Variants in GPC6 observed in about 807,000 individuals in gnomAD.
GPC6 encodes glypican-6.
In GPC6, 14 loss-of-function variants were observed where a neutral mutation model predicts 55.2. That is an observed-to-expected ratio of 0.25 (90% confidence interval 0.17 to 0.40). GPC6 has a LOEUF of 0.40. Among genes scored for constraint, GPC6 ranks in the 10% least tolerant of loss-of-function variants. GPC6 has a pLI of 1.00. For missense variants in GPC6, 641 were observed against 708.5 expected (o/e 0.90, Z 1.08); for synonymous variants, 278 against 259.6 (o/e 1.07, Z -0.68).
chr13:93,940,394 T>C (rs1878672386), intron 3 of GPC6, among the ~76,000 whole-genome samples: 2 of 149,300 alleles, frequency 1.3e-5, no homozygotes, highest in African/African-American at 2.5e-5. Context: ...GGATGGACGG[T>C]TGGATGAATG....
At chr13:93,275,996 T>C (rs1250250217) in intron 1 of GPC6, among the ~76,000 whole-genome samples, 1 of 152,130 alleles carries the variant, frequency 6.6e-6, no homozygotes, top group Admixed American at 6.5e-5. Context: ...TGCCTCAGCC[T>C]CCCGAGTAGC....
intron 1 of GPC6, among the ~76,000 whole-genome samples, chr13:93,452,238 A>G (rs1002328173): frequency 3.9e-5 from 6 of 152,202 alleles, no homozygotes; most frequent in Admixed American, 2.0e-4. Context: ...ATCTCATACT[A>G]TTTTCAGGAT....
At chr13:93,597,145 T>A (rs1877792903) in intron 2 of GPC6, among the ~76,000 whole-genome samples, 1 of 151,866 alleles carries the variant, frequency 6.6e-6, no homozygotes, top group Non-Finnish European at 1.5e-5. Context: ...GAAAGGGGAA[T>A]CTCCTGTACT....
chr13:94,251,336 CA>C (rs770633304), intron 4 of GPC6, among the ~76,000 whole-genome samples: 5 of 151,536 alleles, frequency 3.3e-5, no homozygotes, highest in African/African-American at 4.8e-5. Flanking sequence ...AGCATTAGGA[CA>C]AATACTTAAT....
In GPC6 at chr13:93,945,397, C is replaced by G. The variant is rs189405017; in HGVS notation, c.712-82332C>G. On this transcript the variant is annotated intron_variant, in intron 3 of 8. Transcript: ENST00000377047. ...CATCATCACTTGTATTTGGCAGACTCAAAGTCAGGAAGAGCAGAGGGAGAG... is the reference window on the plus strand; with the variant it reads ...CATCATCACTTGTATTTGGCAGACTGAAAGTCAGGAAGAGCAGAGGGAGAG... Among the ~76,000 whole-genome samples the G allele has an allele frequency of 5.9e-5, 9 of 152,188 alleles. No individual in the cohort carries two copies. The East Asian group carries it at 7.7e-4, about 13-fold the overall frequency.
Position 93,702,338 on chromosome 13 carries a change from C to T in GPC6, c.320-127816C>T, listed in dbSNP as rs535546204. 3.3e-5 allele frequency among the ~76,000 whole-genome samples: 5 copies of T among 151,950 alleles called. No individual in the cohort carries two copies. In the East Asian group the frequency reaches 9.7e-4, roughly 30 times the overall value. On this transcript the variant is annotated intron_variant, in intron 2 of 8. Transcript: ENST00000377047. ...GTCTCAACAGTGGGCTTAAAATATTCAGTTAACCGTGCTCTAAACAGAAGT... is the reference window on the plus strand; with the variant it reads ...GTCTCAACAGTGGGCTTAAAATATTTAGTTAACCGTGCTCTAAACAGAAGT...
intron 4 of GPC6, among the ~76,000 whole-genome samples, chr13:94,130,998 T>G (rs997486140): frequency 6.6e-6 from 1 of 152,150 alleles, no homozygotes; most frequent in Non-Finnish European, 1.5e-5. Context: ...GGAATTATAT[T>G]CTGAATTAAT....
chr13:94,211,855 A>G (rs752249009), intron 4 of GPC6, among the ~76,000 whole-genome samples: 5 of 152,222 alleles, frequency 3.3e-5, no homozygotes, highest in Non-Finnish European at 4.4e-5. Flanking sequence ...GTCTAGCCCA[A>G]TATGGCACAT....
chr13:93,356,571 C>T (rs1281731913), intron 1 of GPC6, among the ~76,000 whole-genome samples: 1 of 152,184 alleles, frequency 6.6e-6, no homozygotes, highest in East Asian at 1.9e-4. Flanking sequence ...CATTCGCAAG[C>T]ACAAACATAT....
At chr13:93,648,984 T>C (rs1397019983) in intron 2 of GPC6, among the ~76,000 whole-genome samples, 1 of 152,178 alleles carries the variant, frequency 6.6e-6, no homozygotes, top group African/African-American at 2.4e-5. Flanking sequence ...ATTTTTATTT[T>C]TCATTTAAAA....
intron 1 of GPC6, among the ~76,000 whole-genome samples, chr13:93,303,955 G>A (rs1245190839): frequency 1.4e-5 from 2 of 143,194 alleles, no homozygotes; most frequent in East Asian, 2.1e-4. Context: ...TGCAACCTCC[G>A]CCTCCTGGGT....
chr13:94,324,775 T>A (rs1877027109), intron 6 of GPC6, among the ~76,000 whole-genome samples: 1 of 151,988 alleles, frequency 6.6e-6, no homozygotes, highest in African/African-American at 2.4e-5. Context: ...GCAGCATAGT[T>A]CCAGATTGAA....
At chr13:93,814,716 A>G (rs1886795712) in intron 2 of GPC6, among the ~76,000 whole-genome samples, 1 of 152,198 alleles carries the variant, frequency 6.6e-6, no homozygotes, top group Non-Finnish European at 1.5e-5. Context: ...GCCCTTTGAA[A>G]TAAACCTATT....
rs200563247 is a variant in GPC6, at chr13:93,263,634, G to A, written c.160+36018G>A. 9.9e-5 allele frequency among the ~76,000 whole-genome samples: 15 copies of A among 152,252 alleles called. No homozygotes were observed. In the East Asian group the frequency reaches 2.7e-3, roughly 28 times the overall value. On this transcript the variant is annotated intron_variant, in intron 1 of 8. Coordinates refer to ENST00000377047, the MANE Select transcript of GPC6 (RefSeq NM_005708.5). ...CTGGCCTTGGCCTCCCAAAGTGCTG[G>A]GATTACAGGCATGAGCCACCACGCC...
rs542015889 is a variant in GPC6 at position 94,314,340 on chromosome 13, G to A, written c.1152+8217G>A. On this transcript the variant is annotated intron_variant, in intron 6 of 8. Coordinates refer to ENST00000377047, the MANE Select transcript of GPC6 (RefSeq NM_005708.5). ...ATTAAAAACATTAAACATCTGTAGC[G>A]TCCTTAATATAGGCCATGTCTAATA... 1.4e-4 allele frequency among the ~76,000 whole-genome samples: 21 copies of A among 152,290 alleles called. No homozygotes were observed. The South Asian group carries it at 4.4e-3, about 32-fold the overall frequency.
chr13:93,744,360 C>T (rs551653983), intron 2 of GPC6, among the ~76,000 whole-genome samples: 1 of 152,136 alleles, frequency 6.6e-6, no homozygotes, highest in Admixed American at 6.5e-5. Flanking sequence ...CTTTTCTAAT[C>T]TATCCCCTTG....
At chr13:93,298,956 A>G (rs1878588438) in intron 1 of GPC6, among the ~76,000 whole-genome samples, 2 of 149,422 alleles carry the variant, frequency 1.3e-5, no homozygotes, top group South Asian at 4.2e-4. Context: ...TTATTTTTGC[A>G]CTTCTGTTAC....
At chr13:93,761,383 C>G (rs1193063922) in intron 2 of GPC6, among the ~76,000 whole-genome samples, 1 of 152,166 alleles carries the variant, frequency 6.6e-6, no homozygotes, top group Non-Finnish European at 1.5e-5. Context: ...GGAGGCACAT[C>G]TTCAGTTTGC....
At chr13:93,897,169 G>A (rs1450890129) in intron 3 of GPC6, among the ~76,000 whole-genome samples, 1 of 151,946 alleles carries the variant, frequency 6.6e-6, no homozygotes, top group Non-Finnish European at 1.5e-5. Flanking sequence ...GCCGTGAAAT[G>A]TGGCAGGGAG....
Sources: gnomAD v4.1 joint callset for allele counts (sites outside exome capture counted in the v4.1 genomes callset) on GRCh38, gnomAD v4.1.1 for gene constraint, MANE v1.5 for transcripts, NCBI Gene and HGNC (gene_info 2026-07-23, HGNC 2026-07-21) for gene names.